The following TNK2 variants were observed in gnomAD, a reference collection of about 807,000 sequenced individuals.
The protein encoded by TNK2 is activated CDC42 kinase 1.
Under a neutral mutation model 101.8 loss-of-function variants are expected in TNK2, and 83 were observed. That is an observed-to-expected ratio of 0.82 (90% CI 0.68 to 0.98). The LOEUF is 0.98. TNK2 is among the 50% of genes least tolerant of loss of function. The pLI, the probability that TNK2 is intolerant of heterozygous loss-of-function variation, is 0.00. For missense variants in TNK2, 1,665 were observed against 1,483.2 expected (o/e 1.12, Z -2.01); for synonymous variants, 804 against 633.0 (o/e 1.27, Z -4.06).
chr3:195,879,378 C>T, intron 6 of TNK2: 1 of 641,554 alleles, frequency 1.6e-6, no homozygotes, highest in East Asian at 3.2e-5. Flanking sequence ...TAAGCCCAGG[C>T]CTCTTATTCA....
chr3:195,894,970 C>T (rs553760292), intron 1 of TNK2, among the ~76,000 whole-genome samples: 34 of 152,344 alleles, frequency 2.2e-4, no homozygotes, highest in African/African-American at 7.0e-4. Flanking sequence ...GAACCCCAAT[C>T]CTAGCAGTAC....
chr3:195,876,913 A>C (rs1749713519), intron 9 of TNK2, among the ~76,000 whole-genome samples: 1 of 152,198 alleles, frequency 6.6e-6, no homozygotes, highest in Admixed American at 6.5e-5. Context: ...TGGCAGGCAC[A>C]CAGGCTCCTG....
At chr3:195,898,610 A>G (rs1760895459) in intron 1 of TNK2, among the ~76,000 whole-genome samples, 2 of 152,026 alleles carry the variant, frequency 1.3e-5, no homozygotes. Flanking sequence ...TTCCCTAGAC[A>G]TACTCTGGGG....
intron 10 of TNK2, among the ~76,000 whole-genome samples, chr3:195,871,491 C>CAGG (rs751397851): frequency 1.3e-5 from 2 of 152,138 alleles, no homozygotes; most frequent in Non-Finnish European, 2.9e-5. Flanking sequence ...GCACCACCAG[C>CAGG]AGGAGAAGGA....
At chr3:195,895,397 G>A (rs747891655) in intron 1 of TNK2, 3 of 1,537,400 alleles carry the variant, frequency 2.0e-6, no homozygotes, top group South Asian at 2.4e-5. Flanking sequence ...CTGCGTCCTG[G>A]GGGGCCGGGC....
chr3:195,906,691 T>C (rs1348693411), intron 1 of TNK2, among the ~76,000 whole-genome samples: 3 of 152,178 alleles, frequency 2.0e-5, no homozygotes, highest in African/African-American at 4.8e-5. Context: ...CACGGGTATA[T>C]ACACAGGCCA....
chr3:195,894,965 C>T (rs1023610357), intron 1 of TNK2, among the ~76,000 whole-genome samples: 1 of 152,220 alleles, frequency 6.6e-6, no homozygotes, highest in Non-Finnish European at 1.5e-5. Context: ...AGACTGAACC[C>T]CAATCCTAGC....
At chr3:195,877,019 C>T (rs1006858660) in intron 9 of TNK2, among the ~76,000 whole-genome samples, 3 of 152,166 alleles carry the variant, frequency 2.0e-5, no homozygotes, top group African/African-American at 4.8e-5. Flanking sequence ...GAGGTGGACA[C>T]GGTCATGAGG....
At chr3:195,871,730 G>T (rs545296262) in intron 10 of TNK2, among the ~76,000 whole-genome samples, 1 of 152,198 alleles carries the variant, frequency 6.6e-6, no homozygotes, top group Non-Finnish European at 1.5e-5. Flanking sequence ...ACAGTGAGTG[G>T]GAAAGCTTCT....
intron 1 of TNK2, chr3:195,895,241 A>C (rs1388025744): frequency 3.9e-6 from 6 of 1,538,048 alleles, no homozygotes; most frequent in Non-Finnish European, 5.2e-6. Context: ...AGCCTTCCCC[A>C]TTACCTGCGG....
chr3:195,871,991 C>CATT (rs1745733017), intron 10 of TNK2, among the ~76,000 whole-genome samples: 1 of 131,282 alleles, frequency 7.6e-6, no homozygotes, highest in African/African-American at 2.9e-5. Flanking sequence ...CCCTGGAGAA[C>CATT]CCTCCCCTGG....
In TNK2 at chr3:195,882,258, C is replaced by T; in HGVS notation, c.680G>A (p.Gly227Glu). 6 of 1,613,668 alleles carry T rather than the reference C, an allele frequency of 3.7e-6. No homozygotes were observed. The highest frequency in any genetic ancestry group is 1.1e-5 in the South Asian group (1 of 91,084). The stretch of plus-strand genomic sequence containing the variant: ...CTGCACAGCGTAGCGGCTCAGAGTC[C>T]CCAGGAGGAAGTGGCCCTGGTGCTT... ...LRKHQGHFLL[G>E]TLSRYAVQVA... Residue 227 changes from glycine (G) to glutamate (E), a missense_variant, in exon 6 of 16, where the codon GGG becomes GAG. By Grantham distance (98) the Gly-to-Glu change is moderately conservative. Around this residue, in one of 3 missense-constraint regions of TNK2, gnomAD observed 490 missense variants for 522.5 expected, o/e 0.94. Transcript: ENST00000672887. This position sits in a 1 kb window ranked among gnomAD's most constrained non-coding sequence, Gnocchi z 4.2.
At chr3:195,884,609 A>G (rs1754757044) in intron 4 of TNK2, 1 of 539,994 alleles carries the variant, frequency 1.9e-6, no homozygotes, top group Non-Finnish European at 3.2e-6. Context: ...TGCCTACTGC[A>G]CTCCAGCCTG....
chr3:195,890,632 TTCC>T (rs1758035691), intron 1 of TNK2, among the ~76,000 whole-genome samples: 1 of 151,972 alleles, frequency 6.6e-6, no homozygotes, highest in African/African-American at 2.4e-5. Context: ...GGAGACAGGG[TTCC>T]TCCATGTTGG....
chr3:195,890,988 A>T (rs1468548754), intron 1 of TNK2, among the ~76,000 whole-genome samples: 1 of 152,196 alleles, frequency 6.6e-6, no homozygotes, highest in Non-Finnish European at 1.5e-5. Flanking sequence ...AGGATACATA[A>T]AATATTATTA....
intron 15 of TNK2, 26 bp downstream of exon 15, chr3:195,866,863 C>A (rs746746678): frequency 6.2e-7 from 1 of 1,604,796 alleles, no homozygotes; most frequent in Non-Finnish European, 8.5e-7. Flanking sequence ...GGGCACGGAG[C>A]GGGGCAGACT....
At chr3:195,892,573 C>T (rs1228195200) in intron 1 of TNK2, 57 of 1,482,352 alleles carry the variant, frequency 3.8e-5, no homozygotes, top group Non-Finnish European at 4.7e-5. Context: ...CAGGAGCCCC[C>T]CAAATCCCAC....
chr3:195,871,321 A>G (rs2149310056), intron 10 of TNK2, among the ~76,000 whole-genome samples: 1 of 152,202 alleles, frequency 6.6e-6, no homozygotes, highest in South Asian at 2.1e-4. Flanking sequence ...AGCTCCGTAG[A>G]GTACTGTGTG....
At chr3:195,876,610 C>T (rs561155547) in intron 9 of TNK2, 1 of 456,310 alleles carries the variant, frequency 2.2e-6, no homozygotes, top group Admixed American at 2.3e-5. Flanking sequence ...TCACCTCCCA[C>T]CTCCTGAGCA....
Sources: allele counts gnomAD v4.1 joint callset (sites outside exome capture counted in the v4.1 genomes callset), GRCh38; gene constraint gnomAD v4.1.1; regional missense constraint gnomAD v4.1.1; non-coding constraint Gnocchi (gnomAD v3.1); transcripts MANE v1.5; gene names NCBI Gene and HGNC (gene_info 2026-07-23, HGNC 2026-07-21).